The following MGAT4A variants were observed in gnomAD, a reference collection of about 807,000 sequenced individuals.
The protein encoded by MGAT4A is N-acetylglucosaminyltransferase IVa.
MGAT4A carries 33 observed loss-of-function variants against 74.1 expected under a neutral mutation model. That is an observed-to-expected ratio of 0.45 (90% CI 0.34 to 0.60). MGAT4A has a LOEUF of 0.60. Among genes scored for constraint, MGAT4A ranks in the 20% least tolerant of loss-of-function variants. MGAT4A has a pLI of 0.02. For missense variants in MGAT4A, 479 were observed against 628.3 expected (o/e 0.76, Z 2.54); for synonymous variants, 198 against 210.4 (o/e 0.94, Z 0.51).
At chr2:98,695,761 G>C (rs994586430) in intron 2 of MGAT4A, among the ~76,000 whole-genome samples, 1 of 152,006 alleles carries the variant, frequency 6.6e-6, no homozygotes, top group African/African-American at 2.4e-5. Flanking sequence ...TTATGTAGAG[G>C]ACATATTTGT....
At chr2:98,674,844 G>C (rs1436185121) in intron 4 of MGAT4A, among the ~76,000 whole-genome samples, 191 bp downstream of exon 4, 1 of 152,172 alleles carries the variant, frequency 6.6e-6, no homozygotes, top group African/African-American at 2.4e-5. Context: ...ATCCCTTTCA[G>C]CTGTATTACT....
chr2:98,656,541 T>A, intron 6 of MGAT4A, 76 bp from the exon 7 acceptor site: 1 of 986,214 alleles, frequency 1.0e-6, no homozygotes. Context: ...ACACTGTGTT[T>A]AACATAAAAC....
intron 4 of MGAT4A, among the ~76,000 whole-genome samples, chr2:98,663,900 T>C (rs1204634779): frequency 6.6e-6 from 1 of 152,036 alleles, no homozygotes; most frequent in East Asian, 1.9e-4. Flanking sequence ...GTAGGGACAC[T>C]GGGTAAGGGC....
At chr2:98,657,251 T>C (rs963622246) in intron 6 of MGAT4A, among the ~76,000 whole-genome samples, 1 of 152,256 alleles carries the variant, frequency 6.6e-6, no homozygotes, top group Admixed American at 6.5e-5. Flanking sequence ...TGCAACTGCC[T>C]GCCTTTGCAC....
At chr2:98,719,105 G>A (rs898021223) in intron 2 of MGAT4A, among the ~76,000 whole-genome samples, 5 of 152,166 alleles carry the variant, frequency 3.3e-5, no homozygotes, top group African/African-American at 9.7e-5. Context: ...GTGAAGATAC[G>A]GCCTAGAGTG....
rs566723049 is a variant in MGAT4A, at chr2:98,658,119, G to A, written c.584+99C>T. The A allele has an allele frequency of 1.5e-4, 113 of 759,208 alleles. No individual in the cohort carries two copies. The East Asian group carries it at 2.6e-3, about 18-fold the overall frequency. 47.0% of individuals were successfully genotyped at this position (759,208 alleles called of 1,614,324 possible). A position where few individuals can be genotyped will look rare whatever the true frequency, so the allele number is the denominator to read the frequency against. On this transcript the variant is annotated intron_variant, in intron 6 of 15. Transcript: ENST00000393487. ...GATCTAATAAACAATGAACTCCACAGAGAAATGAACTATCAAGGAAGGCAT... is the reference window on the plus strand; with the variant it reads ...GATCTAATAAACAATGAACTCCACAAAGAAATGAACTATCAAGGAAGGCAT...
intron 5 of MGAT4A, among the ~76,000 whole-genome samples, chr2:98,659,011 G>C (rs1440442202): frequency 2.0e-5 from 3 of 152,154 alleles, no homozygotes; most frequent in South Asian, 2.1e-4. Flanking sequence ...TCTAAGCATG[G>C]CAGGCATGTT....
At chr2:98,661,606 T>C (rs1701751022) in intron 5 of MGAT4A, among the ~76,000 whole-genome samples, 1 of 152,214 alleles carries the variant, frequency 6.6e-6, no homozygotes, top group South Asian at 2.1e-4. Context: ...CATATTTCTA[T>C]TCAAATGTAC....
intron 2 of MGAT4A, among the ~76,000 whole-genome samples, chr2:98,704,583 G>T (rs901328826): frequency 2.0e-5 from 3 of 152,014 alleles, no homozygotes; most frequent in African/African-American, 7.3e-5. Context: ...CCTCCAGCTT[G>T]GGACAGAGTG....
At chr2:98,674,425 A>G (rs2104285357) in intron 4 of MGAT4A, among the ~76,000 whole-genome samples, 1 of 152,326 alleles carries the variant, frequency 6.6e-6, no homozygotes, top group South Asian at 2.1e-4. Context: ...CACTCTGTGG[A>G]GTGTACTTTG....
intron 1 of MGAT4A, among the ~76,000 whole-genome samples, chr2:98,728,831 G>A (rs182937298): frequency 1.3e-4 from 19 of 151,822 alleles, no homozygotes; most frequent in South Asian, 6.3e-4. Flanking sequence ...ATAAAAACAC[G>A]GGTGATAATT....
At chr2:98,684,467 A>C (rs1199110327) in intron 2 of MGAT4A, among the ~76,000 whole-genome samples, 1 of 152,250 alleles carries the variant, frequency 6.6e-6, no homozygotes, top group Non-Finnish European at 1.5e-5. Flanking sequence ...TGTTTTGTAC[A>C]AATTGTGTTT....
intron 2 of MGAT4A, among the ~76,000 whole-genome samples, chr2:98,679,428 A>G (rs1020899652): frequency 2.2e-4 from 22 of 98,458 alleles, no homozygotes; most frequent in Middle Eastern, 5.9e-3. Context: ...AAAAAAAAAA[A>G]AGAGACCAGC....
At chr2:98,691,778 G>A (rs1476773134) in intron 2 of MGAT4A, among the ~76,000 whole-genome samples, 1 of 152,154 alleles carries the variant, frequency 6.6e-6, no homozygotes, top group Non-Finnish European at 1.5e-5. Context: ...CTGTTCTCAT[G>A]GGAGATGACA....
At chr2:98,709,449 T>G (rs1008141850) in intron 2 of MGAT4A, among the ~76,000 whole-genome samples, 1 of 152,054 alleles carries the variant, frequency 6.6e-6, no homozygotes, top group African/African-American at 2.4e-5. Context: ...GTTGCAGAAT[T>G]ACAAAAGAGG....
At chr2:98,686,133 A>T (rs563966932) in intron 2 of MGAT4A, among the ~76,000 whole-genome samples, 1 of 152,252 alleles carries the variant, frequency 6.6e-6, no homozygotes, top group Admixed American at 6.5e-5. Context: ...TATCAAGATT[A>T]TTCTGGTTTT....
intron 8 of MGAT4A, among the ~76,000 whole-genome samples, chr2:98,646,003 T>C (rs956917656): frequency 1.3e-5 from 2 of 152,204 alleles, no homozygotes; most frequent in African/African-American, 4.8e-5. Flanking sequence ...GGTATTGATA[T>C]TGTGAAGCTA....
At chr2:98,718,923 T>A (rs1204148414) in intron 2 of MGAT4A, among the ~76,000 whole-genome samples, 1 of 152,180 alleles carries the variant, frequency 6.6e-6, no homozygotes, top group Non-Finnish European at 1.5e-5. Flanking sequence ...AGAGTGGGGC[T>A]GCCACTCAGA....
chr2:98,685,073 C>A (rs1396201797), intron 2 of MGAT4A, among the ~76,000 whole-genome samples: 1 of 151,848 alleles, frequency 6.6e-6, no homozygotes, highest in Non-Finnish European at 1.5e-5. Context: ...CTTGTCTCTA[C>A]AACAAATTTT....
Sources: allele counts gnomAD v4.1 joint callset (sites outside exome capture counted in the v4.1 genomes callset), GRCh38; gene constraint gnomAD v4.1.1; transcripts MANE v1.5; gene names NCBI Gene and HGNC (gene_info 2026-07-23, HGNC 2026-07-21).